The following GJC2 variants were observed in gnomAD, a reference collection of about 807,000 sequenced individuals.
GJC2 encodes the protein gap junction gamma-2 protein.
For synonymous variants in GJC2, 336 were observed against 307.5 expected, an observed-to-expected ratio of 1.09 and a Z score of -0.97; for missense variants, 647 against 648.9, an observed-to-expected ratio of 1.00 and a Z score of 0.03.
intron 1 of GJC2, among the ~76,000 whole-genome samples, chr1:228,154,036 C>T (rs1193764492): frequency 6.6e-6 from 1 of 152,232 alleles, no homozygotes; most frequent in South Asian, 2.1e-4. Flanking sequence ...TCTTATAGAC[C>T]TCACACCCAG....
In GJC2 at chr1:228,158,666, GCC is replaced by G. The variant is rs973813602; in HGVS notation, c.913_914del (p.Pro305GlyfsTer42). 7.3e-7 allele frequency: 1 copy of G among 1,363,216 alleles called. No individual in the cohort carries two copies. Among genetic ancestry groups the G allele is most frequent in the South Asian group, 1.4e-5 (1 of 71,752 alleles). The allele number at this position is 1,363,216 out of a possible 1,614,324, so 84.4% of individuals were successfully genotyped here. A position where few individuals can be genotyped will look rare whatever the true frequency, so the allele number is the denominator to read the frequency against. On this transcript the variant is annotated frameshift_variant, in exon 2 of 2. Coordinates refer to ENST00000366714, the MANE Select transcript of GJC2 (RefSeq NM_020435.4). LOFTEE classifies it low-confidence loss of function (END_TRUNC). The surrounding 1 kb of genome is among the most constrained non-coding windows in gnomAD (Gnocchi z 8.3). ...CAGGACGCGGTGCGCGGCCGCCGCGGCCCCCCGGCCTCCGCCCCCGCCCCCGC... is the reference window on the plus strand; with the variant it reads ...CAGGACGCGGTGCGCGGCCGCCGCGGCCCCGGCCTCCGCCCCCGCCCCCGC...
In GJC2 at chr1:228,154,522, C is replaced by G. The variant is rs186834513; in HGVS notation, c.-19-3218C>G. On this transcript the variant is annotated intron_variant, in intron 1 of 1. Coordinates refer to ENST00000366714, the MANE Select transcript of GJC2 (RefSeq NM_020435.4). ...TGCTGCAGAGGCGCTCTCCCCCTCTCCCTCCCACACCCTCTGAAGCCAGGT... is the reference window on the plus strand; with the variant it reads ...TGCTGCAGAGGCGCTCTCCCCCTCTGCCTCCCACACCCTCTGAAGCCAGGT... 5.0e-3 allele frequency among the ~76,000 whole-genome samples: 766 copies of G among 152,284 alleles called. 5 individuals carry two copies. Among genetic ancestry groups the G allele is most frequent in the Admixed American group, 8.2e-3 (126 of 15,298 alleles).
Position 228,157,697 on chromosome 1 carries a change from T to G in GJC2, c.-19-43T>G. The G allele has an allele frequency of 4.1e-6, 5 of 1,212,622 alleles. No individual in the cohort carries two copies. In the South Asian group the frequency reaches 5.7e-5, roughly 14 times the overall value. The allele number at this position is 1,212,622 out of a possible 1,614,324, so 75.1% of individuals were successfully genotyped here. On this transcript the variant is annotated intron_variant, in intron 1 of 1. Transcript: ENST00000366714. ...AGCCCCGGCTCTGAGCGCCGCGGGC[T>G]CCTAAGTGCAGGCCCCTGGCTGACC...
rs933087493 is a variant in GJC2 at position 228,150,399 on chromosome 1, C to T, written c.-20+392C>T. 5.3e-5 allele frequency among the ~76,000 whole-genome samples: 8 copies of T among 152,160 alleles called. No homozygotes were observed. The highest frequency in any genetic ancestry group is 1.2e-4 in the Non-Finnish European group (8 of 68,000). ...CAGCCAGCTGCATTGTGTCCAGGCC[C>T]AGTCCCCCACCCTCAGCGGCCACCT... is the stretch of plus-strand genomic sequence containing the variant. On this transcript the variant is annotated intron_variant, in intron 1 of 1. Transcript: ENST00000366714. This position sits in a 1 kb window ranked among gnomAD's most constrained non-coding sequence, Gnocchi z 4.6.
chr1:228,157,114 G>T (rs2034691667), intron 1 of GJC2, among the ~76,000 whole-genome samples: 2 of 152,106 alleles, frequency 1.3e-5, no homozygotes, highest in East Asian at 3.9e-4. Flanking sequence ...AGGATTTTGT[G>T]GAGGTGGAGG....
intron 1 of GJC2, among the ~76,000 whole-genome samples, chr1:228,154,945 G>A (rs1216705932): frequency 6.6e-6 from 1 of 152,224 alleles, no homozygotes; most frequent in African/African-American, 2.4e-5. Flanking sequence ...CTGGGCCCCA[G>A]GTAGATTCTT....
At chr1:228,156,652 G>A (rs1434547779) in intron 1 of GJC2, among the ~76,000 whole-genome samples, 3 of 152,236 alleles carry the variant, frequency 2.0e-5, no homozygotes, top group East Asian at 3.9e-4. Context: ...CACACCTGCC[G>A]CTGCTGCCTC....
Position 228,151,710 on chromosome 1 carries a change from G to A in GJC2, c.-20+1703G>A, listed in dbSNP as rs554404725. On this transcript the variant is annotated intron_variant, in intron 1 of 1. Transcript: ENST00000366714. The surrounding 1 kb of genome is among the most constrained non-coding windows in gnomAD (Gnocchi z 5.4). ...GCTGCACAGGCAGGACAGTGAGGCC[G>A]GCCACAGAGCTGCTGGGGCAGAGTG... 2.0e-5 allele frequency among the ~76,000 whole-genome samples: 3 copies of A among 152,280 alleles called. No individual in the cohort carries two copies. The highest frequency in any genetic ancestry group is 1.5e-5 in the Non-Finnish European group (1 of 68,018).
At position 228,158,613 on chromosome 1, in the gene GJC2, G is replaced by A. The variant is rs752192691; in HGVS notation, c.855G>A (p.Glu285=). ...SCLCLLLNLC[E]MAHLGLGSAQ... ...TGTGCCTGCTGCTCAACCTCTGTGA[G>A]ATGGCCCACCTGGGCTTGGGCAGCG... Residue 285 remains glutamate (E), a synonymous_variant, in exon 2 of 2, where the codon GAG becomes GAA. Transcript: ENST00000366714. The surrounding 1 kb of genome is among the most constrained non-coding windows in gnomAD (Gnocchi z 8.3). 7 of 1,610,388 alleles carry A rather than the reference G, an allele frequency of 4.3e-6. No individual in the cohort carries two copies. The East Asian group carries it at 1.6e-4, about 36-fold the overall frequency.
intron 1 of GJC2, among the ~76,000 whole-genome samples, chr1:228,157,278 C>T (rs903587734): frequency 8.7e-5 from 13 of 148,708 alleles, no homozygotes; most frequent in African/African-American, 3.0e-4. Flanking sequence ...GGTGCAGGCA[C>T]GGGGGGCTGT....
Position 228,158,692 on chromosome 1 carries a change from G to A in GJC2, c.934G>A (p.Ala312Thr). 9.4e-7 allele frequency: 1 copy of A among 1,062,098 alleles called. No individual in the cohort carries two copies. Among genetic ancestry groups the A allele is most frequent in the Non-Finnish European group, 1.1e-6 (1 of 878,738 alleles). The allele number at this position is 1,062,098 out of a possible 1,614,324, so 65.8% of individuals were successfully genotyped here. A position where few individuals can be genotyped will look rare whatever the true frequency, so the allele number is the denominator to read the frequency against. Reference sequence around the variant, plus strand: ...CCCCCCGGCCTCCGCCCCCGCCCCCGCGCCGCGGCCCCCGCCCTGCGCCTT... The same window carrying A: ...CCCCCCGGCCTCCGCCCCCGCCCCCACGCCGCGGCCCCCGCCCTGCGCCTT... ...RGPPASAPAP[A>T]PRPPPCAFPA... is the part of the protein sequence containing the mutation. Residue 312 changes from alanine to threonine, a missense_variant, in exon 2 of 2, where the codon GCG (alanine) becomes ACG (threonine). Ala to Thr is a moderately conservative substitution (Grantham distance 58). Coordinates refer to ENST00000366714, the MANE Select transcript of GJC2 (RefSeq NM_020435.4). The surrounding 1 kb of genome is among the most constrained non-coding windows in gnomAD (Gnocchi z 8.3).
intron 1 of GJC2, among the ~76,000 whole-genome samples, chr1:228,155,387 G>C (rs1316799642): frequency 6.6e-6 from 1 of 152,206 alleles, no homozygotes; most frequent in Non-Finnish European, 1.5e-5. Context: ...GAGTCCTGCT[G>C]GGTGGGCGTC....
At chr1:228,155,952 A>C (rs2034672834) in intron 1 of GJC2, among the ~76,000 whole-genome samples, 1 of 152,196 alleles carries the variant, frequency 6.6e-6, no homozygotes, top group South Asian at 2.1e-4. Context: ...CCTGGCACTG[A>C]AGGCCTCCTG....
chr1:228,159,093 G>T lies in GJC2; in HGVS notation c.*15G>T, dbSNP rs768454293. 1.9e-6 allele frequency: 3 copies of T among 1,608,690 alleles called. No homozygotes were observed. Among genetic ancestry groups the T allele is most frequent in the South Asian group, 1.1e-5 (1 of 90,866 alleles). On this transcript the variant is annotated 3_prime_UTR_variant, in exon 2 of 2. Transcript: ENST00000366714. The surrounding 1 kb of genome is among the most constrained non-coding windows in gnomAD (Gnocchi z 4.0). ...TGTGGATCTGAGGGCGCTGGCTTGC[G>T]AGCTGGGCCAGGGAGGAGGAGGGTT... is the stretch of plus-strand genomic sequence containing the variant.
Position 228,158,521 on chromosome 1 carries a change from G to A in GJC2, c.763G>A (p.Asp255Asn). The A allele has an allele frequency of 6.2e-7, 1 of 1,612,938 alleles. No individual in the cohort carries two copies. The change falls in exon 2 of 2, where the codon GAC becomes AAC. Residue 255 changes from aspartate (D) to asparagine (N), a missense_variant. Coordinates refer to ENST00000366714, the MANE Select transcript of GJC2 (RefSeq NM_020435.4). This position sits in a 1 kb window ranked among gnomAD's most constrained non-coding sequence, Gnocchi z 8.3. Reference sequence around the variant, plus strand: ...CCGCCAGCCCTGCCCGCACGTGGTGGACTGCTTCGTGTCGCGCCCTACTGA... The same window carrying A: ...CCGCCAGCCCTGCCCGCACGTGGTGAACTGCTTCGTGTCGCGCCCTACTGA... Reference protein sequence around the residue: ...CSRQPCPHVVDCFVSRPTEKT... With the variant: ...CSRQPCPHVVNCFVSRPTEKT...
rs2034604658 is a variant in GJC2, at chr1:228,150,636, C to T, written c.-20+629C>T. Among the ~76,000 whole-genome samples, 3 of 152,080 alleles carry T rather than the reference C, an allele frequency of 2.0e-5. No homozygotes were observed. In the South Asian group the frequency reaches 6.2e-4, roughly 31 times the overall value. ...CCCCCGGGGTGCTGGGGCAGGCCCTCAGTGCAAGGAAGGGGCGGCGTGGCT... is the reference window on the plus strand; with the variant it reads ...CCCCCGGGGTGCTGGGGCAGGCCCTTAGTGCAAGGAAGGGGCGGCGTGGCT... On this transcript the variant is annotated intron_variant, in intron 1 of 1. Coordinates refer to ENST00000366714, the MANE Select transcript of GJC2 (RefSeq NM_020435.4). The surrounding 1 kb of genome is among the most constrained non-coding windows in gnomAD (Gnocchi z 4.6).
At chr1:228,157,610 G>T in intron 1 of GJC2, 130 bp from the exon 2 acceptor site, 1 of 617,148 alleles carries the variant, frequency 1.6e-6, no homozygotes, top group Non-Finnish European at 2.8e-6. Flanking sequence ...TCCGTTTAAG[G>T]CGGTAAGCTC....
At chr1:228,154,797 C>T (rs1216051543) in intron 1 of GJC2, among the ~76,000 whole-genome samples, 1 of 152,246 alleles carries the variant, frequency 6.6e-6, no homozygotes, top group Non-Finnish European at 1.5e-5. Flanking sequence ...GCAGGTGCTG[C>T]TTGCACAGAC....
At chr1:228,153,105 C>T (rs747579516) in intron 1 of GJC2, among the ~76,000 whole-genome samples, 4 of 152,084 alleles carry the variant, frequency 2.6e-5, no homozygotes, top group Admixed American at 6.5e-5. Context: ...CCTCTCCTCC[C>T]GTGGGCCTCC....
Sources: gnomAD v4.1 joint callset for allele counts (sites outside exome capture counted in the v4.1 genomes callset) on GRCh38, gnomAD v4.1.1 for gene constraint, Gnocchi (gnomAD v3.1) non-coding constraint, MANE v1.5 for transcripts, NCBI Gene and HGNC (gene_info 2026-07-23, HGNC 2026-07-21) for gene names.